BSCL2: variants seen among roughly 807,000 people sequenced by gnomAD.
The protein encoded by BSCL2 is BSCL2 lipid droplet biogenesis associated, seipin, also known as seipin.
Under a neutral mutation model 57.4 loss-of-function variants are expected in BSCL2, and 41 were observed. The observed-to-expected ratio is 0.71, with a 90% CI of 0.56 to 0.93. The LOEUF (loss-of-function observed/expected upper bound fraction) is 0.93, where lower values mean the gene tolerates loss of function less well. BSCL2 is among the 40% of genes least tolerant of loss of function. The pLI is 0.00. For synonymous variants in BSCL2, 237 were observed against 227.3 expected, an observed-to-expected ratio of 1.04 and a Z score of -0.38; for missense variants, 539 against 586.7, an observed-to-expected ratio of 0.92 and a Z score of 0.84.
intron 3 of BSCL2, among the ~76,000 whole-genome samples, chr11:62,695,367 G>A (rs1945426330): frequency 6.6e-6 from 1 of 151,674 alleles, no homozygotes; most frequent in South Asian, 2.1e-4. Context: ...AATTACAGGA[G>A]TGAGGGTAAA....
chr11:62,707,531 G>A (rs181680442), upstream of BSCL2: 9 of 612,672 alleles, frequency 1.5e-5, no homozygotes, highest in African/African-American at 1.7e-4. Context: ...CTCTGTTGGG[G>A]AGGTCTCTAG....
rs2134696441 is a variant in BSCL2, at chr11:62,692,753, T to A, written c.675A>T (p.Thr225=). The change falls in exon 5 of 11, where the codon ACA becomes ACT. Residue 225 remains threonine (T), a synonymous_variant. Coordinates refer to ENST00000360796, the MANE Select transcript of BSCL2 (RefSeq NM_001122955.4). ...ATAGCAGGAGGCTAGAGAAGACCAG[T>A]GTGTCCAGCATCTGGAGCAGGTCTG... ...YRSDLLQMLD[T]LVFSSLLLFG... 4 of 1,614,056 alleles carry A rather than the reference T, an allele frequency of 2.5e-6. No homozygotes were observed. Among genetic ancestry groups the A allele is most frequent in the African/African-American group, 1.3e-5 (1 of 75,022 alleles).
chr11:62,695,013 G>A (rs1388192163), intron 3 of BSCL2, among the ~76,000 whole-genome samples: 1 of 152,212 alleles, frequency 6.6e-6, no homozygotes, highest in Non-Finnish European at 1.5e-5. Flanking sequence ...GTTGCCAACT[G>A]GGCCATCTGT....
At chr11:62,706,044 T>C (rs2083525301) in intron 1 of BSCL2, 2 of 253,762 alleles carry the variant, frequency 7.9e-6, no homozygotes, top group African/African-American at 2.3e-5. Context: ...AGCCTTAGAG[T>C]AGCCACAATT....
intron 3 of BSCL2, among the ~76,000 whole-genome samples, chr11:62,696,250 T>G (rs2134708272): frequency 6.6e-6 from 1 of 151,396 alleles, no homozygotes; most frequent in South Asian, 2.1e-4. Context: ...AGAGACCAGA[T>G]GATTAAGCCA....
chr11:62,706,443 T>A, intron 1 of BSCL2: 1 of 444,082 alleles, frequency 2.3e-6, no homozygotes, highest in South Asian at 2.0e-5. Context: ...CGCTGTCTCC[T>A]TGCGCTCGCC....
chr11:62,708,526 G>C, upstream of BSCL2: 1 of 1,255,198 alleles, frequency 8.0e-7, no homozygotes. Context: ...GGGCTCTGTA[G>C]AGAGAGCTGT....
At chr11:62,706,148 G>A (rs993571427) in intron 1 of BSCL2, 1 of 974,384 alleles carries the variant, frequency 1.0e-6, no homozygotes, top group African/African-American at 1.8e-5. Flanking sequence ...GCCAACCGCC[G>A]CTTCCCGCCA....
In BSCL2 at chr11:62,705,228, T is replaced by C. The variant is rs2134740033; in HGVS notation, c.404+73A>G. 3 of 1,435,830 alleles carry C rather than the reference T, an allele frequency of 2.1e-6. No individual in the cohort carries two copies. In the South Asian group the frequency reaches 3.7e-5, roughly 18 times the overall value. The allele number at this position is 1,435,830 out of a possible 1,614,324, so 88.9% of individuals were successfully genotyped here. ...TTTTCCTTATCTGTAAATGAGGGGA[T>C]TGAACTGAATGAACTCCAAGGGCCT... On this transcript the variant is annotated intron_variant, in intron 2 of 10. Coordinates refer to ENST00000360796, the MANE Select transcript of BSCL2 (RefSeq NM_001122955.4).
At chr11:62,709,327 G>T (rs766410841), upstream of BSCL2, 16 of 453,956 alleles carry the variant, frequency 3.5e-5, no homozygotes, top group Non-Finnish European at 5.7e-5. Context: ...AGAGGGGTCG[G>T]GGGATGGCGG....
Position 62,699,283 on chromosome 11 carries a change from C to T in BSCL2, c.486+3185G>A, listed in dbSNP as rs566630501. On this transcript the variant is annotated intron_variant, in intron 3 of 10. Coordinates refer to ENST00000360796, the MANE Select transcript of BSCL2 (RefSeq NM_001122955.4). ...CGCGATCTCGGCTCACTGCAAGCTC[C>T]GCCTCCCAGGTTCACACCTTTCTCC... Among the ~76,000 whole-genome samples the T allele has an allele frequency of 1.3e-4, 20 of 152,054 alleles. No homozygotes were observed. In the South Asian group the frequency reaches 2.7e-3, roughly 20 times the overall value.
At chr11:62,708,342 C>A, upstream of BSCL2, 1 of 1,613,808 alleles carries the variant, frequency 6.2e-7, no homozygotes, top group Admixed American at 1.7e-5. Flanking sequence ...ATTGGGCAAG[C>A]ACGCAAGATG....
intron 3 of BSCL2, among the ~76,000 whole-genome samples, chr11:62,697,924 T>C (rs1360042835): frequency 4.6e-5 from 7 of 151,390 alleles, no homozygotes; most frequent in African/African-American, 1.2e-4. Context: ...TTTTTTTTTT[T>C]TGAGACGGAG....
chr11:62,695,081 A>G (rs1043584549), intron 3 of BSCL2, among the ~76,000 whole-genome samples: 3 of 152,142 alleles, frequency 2.0e-5, no homozygotes, highest in Admixed American at 2.0e-4. Context: ...CCTCTCTTAC[A>G]TTATTAATCA....
intron 2 of BSCL2, 75 bp downstream of exon 2, chr11:62,705,226 G>A: frequency 1.4e-6 from 2 of 1,419,938 alleles, no homozygotes; most frequent in Non-Finnish European, 9.7e-7. Context: ...TAAATGAGGG[G>A]ATTGAACTGA....
intron 2 of BSCL2, among the ~76,000 whole-genome samples, chr11:62,703,975 G>A (rs1164197358): frequency 6.7e-6 from 1 of 149,314 alleles, no homozygotes; most frequent in Non-Finnish European, 1.5e-5. Context: ...AAAAAAATTA[G>A]CCAGGTGTGG....
intron 1 of BSCL2, chr11:62,706,336 GC>G: frequency 9.0e-7 from 1 of 1,115,488 alleles, no homozygotes; most frequent in Admixed American, 4.9e-5. Context: ...TCCGCCGGCC[GC>G]TTTTGTAGCC....
chr11:62,701,575 C>T (rs1307892738), intron 3 of BSCL2, among the ~76,000 whole-genome samples: 5 of 152,080 alleles, frequency 3.3e-5, no homozygotes, highest in African/African-American at 1.2e-4. Context: ...TGGTGGCTGA[C>T]GCCTATAATC....
At position 62,707,423 on chromosome 11, in the gene BSCL2, A is replaced by G; in HGVS notation, c.-228T>C. 2.9e-6 allele frequency: 2 copies of G among 699,780 alleles called. No homozygotes were observed. The highest frequency in any genetic ancestry group is 5.2e-6 in the Non-Finnish European group (2 of 384,620). 43.3% of individuals were successfully genotyped at this position (699,780 alleles called of 1,614,324 possible). ...TGCCCAGCTGATGTCAGATTTTCAAATGAGCAGGGTCCCCCGCAGCCAGTA... is the reference window on the plus strand; with the variant it reads ...TGCCCAGCTGATGTCAGATTTTCAAGTGAGCAGGGTCCCCCGCAGCCAGTA... On this transcript the variant is annotated 5_prime_UTR_variant, in exon 1 of 11. Transcript: ENST00000360796.
Sources: gnomAD v4.1 joint callset for allele counts (sites outside exome capture counted in the v4.1 genomes callset) on GRCh38, gnomAD v4.1.1 for gene constraint, MANE v1.5 for transcripts, NCBI Gene and HGNC (gene_info 2026-07-23, HGNC 2026-07-21) for gene names.